SLC6A11: variants seen among roughly 807,000 people sequenced by gnomAD.
SLC6A11 encodes the protein solute carrier family 6 member 11.
Under a neutral mutation model 74.8 loss-of-function variants are expected in SLC6A11, and 25 were observed. That is an observed-to-expected ratio of 0.33 (90% CI 0.24 to 0.47). The LOEUF (loss-of-function observed/expected upper bound fraction) is 0.47. Among genes scored for constraint, SLC6A11 ranks in the 20% least tolerant of loss-of-function variants. SLC6A11 has a pLI of 1.00. For missense variants in SLC6A11, 574 were observed against 837.0 expected (o/e 0.69, Z 3.88); for synonymous variants, 330 against 330.2 (o/e 1.00, Z 0.01).
chr3:10,933,352 C>A, intron 11 of SLC6A11, 99 bp downstream of exon 11: 1 of 829,378 alleles, frequency 1.2e-6, no homozygotes, highest in Non-Finnish European at 2.1e-6. Flanking sequence ...TGTGGCTTAT[C>A]TTGGTCTATA....
rs1350032424 is a variant in SLC6A11 at position 10,816,884 on chromosome 3, T to TG, written c.256+367dup. ...CTTTCCTAACTGGGAAAACGGCCTG[T>TG]GGGGAAGGGACTCCTGATGATCAAA... On this transcript the variant is annotated intron_variant, in intron 1 of 13. Coordinates refer to ENST00000254488, the MANE Select transcript of SLC6A11 (RefSeq NM_014229.3). The surrounding 1 kb of genome is among the most constrained non-coding windows in gnomAD (Gnocchi z 4.2). Among the ~76,000 whole-genome samples the TG allele has an allele frequency of 6.6e-6, 1 of 152,216 alleles. No individual in the cohort carries two copies. The highest frequency in any genetic ancestry group is 1.9e-4 in the East Asian group (1 of 5,188).
rs896126093 is a variant in SLC6A11, at chr3:10,837,645, C to T, written c.624-6569C>T. On this transcript the variant is annotated intron_variant, in intron 4 of 13. Transcript: ENST00000254488. Reference sequence around the variant, plus strand: ...AGCAGGTGAGAAATGCAAGCTGTAACGGTCCTTGTTGACACCCTTATACCC... The same window carrying T: ...AGCAGGTGAGAAATGCAAGCTGTAATGGTCCTTGTTGACACCCTTATACCC... 5.3e-5 allele frequency among the ~76,000 whole-genome samples: 8 copies of T among 152,314 alleles called. No individual in the cohort carries two copies. In the East Asian group the frequency reaches 9.6e-4, roughly 18 times the overall value.
Position 10,929,185 on chromosome 3 carries a change from C to A in SLC6A11, c.1234-17C>A. ...GCCTTGTCCTTGAGTTTCACACCAT[C>A]ATATCTCCCCATCCAGTTTGTGTGT... On this transcript the variant is annotated splice_polypyrimidine_tract_variant and intron_variant, in intron 9 of 13. Coordinates refer to ENST00000254488, the MANE Select transcript of SLC6A11 (RefSeq NM_014229.3). 1 of 1,612,962 alleles carries A rather than the reference C, an allele frequency of 6.2e-7. No homozygotes were observed. Among genetic ancestry groups the A allele is most frequent in the Non-Finnish European group, 8.5e-7 (1 of 1,179,442 alleles).
At chr3:10,878,830 A>G (rs1288505513) in intron 6 of SLC6A11, among the ~76,000 whole-genome samples, 2 of 152,200 alleles carry the variant, frequency 1.3e-5, no homozygotes, top group African/African-American at 2.4e-5. Context: ...TACATATCCT[A>G]TATATTTACA....
At chr3:10,896,377 A>G (rs1215711465) in intron 6 of SLC6A11, among the ~76,000 whole-genome samples, 4 of 152,220 alleles carry the variant, frequency 2.6e-5, no homozygotes, top group Admixed American at 2.6e-4. Context: ...TGCTCTGTGC[A>G]CACTCTACAA....
chr3:10,870,509 A>G (rs2106601082), intron 5 of SLC6A11, among the ~76,000 whole-genome samples: 1 of 152,318 alleles, frequency 6.6e-6, no homozygotes, highest in East Asian at 1.9e-4. Flanking sequence ...CACAAGAGGG[A>G]AGAGTGGCAG....
Position 10,842,864 on chromosome 3 carries a change from G to A in SLC6A11, c.624-1350G>A, listed in dbSNP as rs73814455. On this transcript the variant is annotated intron_variant, in intron 4 of 13. Coordinates refer to ENST00000254488, the MANE Select transcript of SLC6A11 (RefSeq NM_014229.3). ...CCTGCCTGATTTCTCTGGCGGGGCT[G>A]GGGCTGGAGGGAGCCTGTAGATGAG... 6.6e-3 allele frequency among the ~76,000 whole-genome samples: 1,000 copies of A among 152,244 alleles called. 10 individuals carry two copies. The highest frequency in any genetic ancestry group is 0.023 in the African/African-American group (959 of 41,516).
intron 6 of SLC6A11, among the ~76,000 whole-genome samples, chr3:10,896,653 C>T (rs1284740103): frequency 6.6e-6 from 1 of 152,212 alleles, no homozygotes; most frequent in African/African-American, 2.4e-5. Context: ...CTGTCAGTCA[C>T]AGATGGATGA....
At chr3:10,921,139 C>T (rs189784431) in intron 8 of SLC6A11, among the ~76,000 whole-genome samples, 23 of 152,322 alleles carry the variant, frequency 1.5e-4, no homozygotes, top group African/African-American at 5.5e-4. Context: ...CTGAGATTTG[C>T]TGACCTTCCC....
At chr3:10,842,866 G>C (rs753771447) in intron 4 of SLC6A11, among the ~76,000 whole-genome samples, 1 of 152,106 alleles carries the variant, frequency 6.6e-6, no homozygotes, top group Non-Finnish European at 1.5e-5. Flanking sequence ...GCGGGGCTGG[G>C]GCTGGAGGGA....
chr3:10,828,930 C>T (rs1344103699), intron 4 of SLC6A11, among the ~76,000 whole-genome samples: 2 of 152,236 alleles, frequency 1.3e-5, no homozygotes, highest in African/African-American at 4.8e-5. Context: ...CTTGCCAGCA[C>T]ATTCTAGGTG....
At chr3:10,905,622 G>T (rs1695292857) in intron 6 of SLC6A11, among the ~76,000 whole-genome samples, 1 of 152,214 alleles carries the variant, frequency 6.6e-6, no homozygotes, top group Non-Finnish European at 1.5e-5. Flanking sequence ...GAGTTCATTA[G>T]TTCCTTTCTA....
At chr3:10,932,654 A>C (rs541276913) in intron 10 of SLC6A11, among the ~76,000 whole-genome samples, 1 of 152,304 alleles carries the variant, frequency 6.6e-6, no homozygotes, top group East Asian at 1.9e-4. Context: ...AAGGGAGATG[A>C]GGCCAATGAG....
intron 6 of SLC6A11, among the ~76,000 whole-genome samples, chr3:10,907,931 A>T (rs1695332035): frequency 6.6e-6 from 1 of 152,220 alleles, no homozygotes; most frequent in Admixed American, 6.5e-5. Context: ...GCTGGGGGTG[A>T]TTGTTAAATT....
At chr3:10,906,138 C>T (rs1286132077) in intron 6 of SLC6A11, among the ~76,000 whole-genome samples, 2 of 152,172 alleles carry the variant, frequency 1.3e-5, no homozygotes, top group Non-Finnish European at 1.5e-5. Context: ...GTGTTGCACC[C>T]TCACCCACCA....
chr3:10,921,185 A>T (rs1695532840), intron 8 of SLC6A11, among the ~76,000 whole-genome samples: 1 of 152,132 alleles, frequency 6.6e-6, no homozygotes, highest in African/African-American at 2.4e-5. Flanking sequence ...ATGCTGTTAC[A>T]CTCAGGATGC....
At chr3:10,921,152 C>A (rs1196187934) in intron 8 of SLC6A11, among the ~76,000 whole-genome samples, 1 of 152,208 alleles carries the variant, frequency 6.6e-6, no homozygotes, top group Non-Finnish European at 1.5e-5. Flanking sequence ...ACCTTCCCTG[C>A]ATGCCCTGCA....
At chr3:10,820,063 A>T (rs925895487) in intron 3 of SLC6A11, among the ~76,000 whole-genome samples, 1 of 152,246 alleles carries the variant, frequency 6.6e-6, no homozygotes, top group Non-Finnish European at 1.5e-5. Context: ...ATTGGCCCAG[A>T]GACTGGCATG....
At chr3:10,919,133 G>A (rs548353208) in intron 8 of SLC6A11, among the ~76,000 whole-genome samples, 1 of 152,114 alleles carries the variant, frequency 6.6e-6, no homozygotes, top group Non-Finnish European at 1.5e-5. Context: ...ATCACCATGA[G>A]TGTGACAGCC....
Sources: gnomAD v4.1 joint callset for allele counts (sites outside exome capture counted in the v4.1 genomes callset) on GRCh38, gnomAD v4.1.1 for gene constraint, Gnocchi (gnomAD v3.1) non-coding constraint, MANE v1.5 for transcripts, NCBI Gene and HGNC (gene_info 2026-07-23, HGNC 2026-07-21) for gene names.